The following SCUBE2 variants were observed in gnomAD, a reference collection of about 807,000 sequenced individuals.
SCUBE2 encodes signal peptide, CUB and EGF-like domain-containing protein 2.
SCUBE2 carries 114 observed loss-of-function variants against 125.9 expected under a neutral mutation model. The observed-to-expected ratio is 0.91, with a 90% CI of 0.78 to 1.06. The LOEUF (loss-of-function observed/expected upper bound fraction) is 1.06. Ranked by LOEUF, SCUBE2 falls within the 50% of genes least tolerant of loss-of-function variation. The pLI is 0.00. For synonymous variants in SCUBE2, 459 were observed against 492.9 expected, an observed-to-expected ratio of 0.93 and a Z score of 0.91; for missense variants, 1,255 against 1,301.8, an observed-to-expected ratio of 0.96 and a Z score of 0.55.
intron 16 of SCUBE2, among the ~76,000 whole-genome samples, chr11:9,039,563 G>T (rs56344312): frequency 1.3e-5 from 2 of 152,202 alleles, no homozygotes; most frequent in Non-Finnish European, 2.9e-5. Flanking sequence ...TCTACTGTTG[G>T]TCTCTGAGGC....
intron 4 of SCUBE2, among the ~76,000 whole-genome samples, chr11:9,070,088 A>G (rs1334798507): frequency 6.6e-6 from 1 of 152,158 alleles, no homozygotes; most frequent in Non-Finnish European, 1.5e-5. Flanking sequence ...CCCTCAGGGC[A>G]TAAGCCTCTG....
intron 2 of SCUBE2, among the ~76,000 whole-genome samples, chr11:9,087,707 C>T (rs1255853442): frequency 2.6e-5 from 4 of 152,186 alleles, no homozygotes. Flanking sequence ...CCAAACTTGC[C>T]CGTCATAATC....
intron 7 of SCUBE2, chr11:9,065,252 G>C (rs573224896): frequency 6.6e-6 from 1 of 152,096 alleles, no homozygotes; most frequent in South Asian, 2.1e-4. Context: ...TAATCCCCTC[G>C]TGTCAAGGGA....
rs953958916 is a variant in SCUBE2, at chr11:9,091,113, C to T, written c.133+283G>A. 6.6e-6 allele frequency among the ~76,000 whole-genome samples: 1 copy of T among 152,192 alleles called. No individual in the cohort carries two copies. The highest frequency in any genetic ancestry group is 1.5e-5 in the Non-Finnish European group (1 of 68,034). The stretch of plus-strand genomic sequence containing the variant: ...GGGTCCGCACCCTCCTGCCTGCTCG[C>T]CGGCGACGGTCTGACTAGCAGGCGC... On this transcript the variant is annotated intron_variant, in intron 1 of 22. Transcript: ENST00000649792. This position sits in a 1 kb window ranked among gnomAD's most constrained non-coding sequence, Gnocchi z 8.5.
chr11:9,086,691 A>G (rs1862095670), intron 2 of SCUBE2, among the ~76,000 whole-genome samples: 1 of 152,068 alleles, frequency 6.6e-6, no homozygotes, highest in Non-Finnish European at 1.5e-5. Context: ...CATCTCTACT[A>G]AAAATACAAA....
At chr11:9,030,607 C>T (rs1856219517) in intron 18 of SCUBE2, 151 bp downstream of exon 18, 3 of 774,508 alleles carry the variant, frequency 3.9e-6, no homozygotes, top group African/African-American at 1.7e-5. Flanking sequence ...GTGCCCCCTG[C>T]ACATCCTGCT....
rs1858253853 is a variant in SCUBE2 at position 9,050,615 on chromosome 11, C to T, written c.1630G>A (p.Ala544Thr). The T allele has an allele frequency of 6.2e-7, 1 of 1,613,468 alleles. No individual in the cohort carries two copies. The highest frequency in any genetic ancestry group is 1.7e-5 in the Admixed American group (1 of 60,012). Residue 544 changes from alanine (A) to threonine (T), a missense_variant, in exon 14 of 23, where the codon GCA becomes ACA. Physicochemically the swap from Ala to Thr is moderately conservative, Grantham distance 58. Around this residue, in one of 3 missense-constraint regions of SCUBE2, gnomAD observed 378 missense variants for 463.1 expected, o/e 0.82. Transcript: ENST00000649792. The part of the protein sequence containing the change: ...AELFPEGLRP[A>T]LPEKHSSVKE... ...CCACCTGATTCCATACCTGGTAGTG[C>T]TGGTCGCAGACCCTCGGGAAACAGC...
At chr11:9,067,049 G>T (rs1306360805) in intron 5 of SCUBE2, among the ~76,000 whole-genome samples, 1 of 152,208 alleles carries the variant, frequency 6.6e-6, no homozygotes, top group African/African-American at 2.4e-5. Context: ...AGTCATACAG[G>T]AAGAGGGAGA....
intron 5 of SCUBE2, among the ~76,000 whole-genome samples, chr11:9,068,931 A>G (rs1209965148): frequency 6.6e-6 from 1 of 152,230 alleles, no homozygotes; most frequent in African/African-American, 2.4e-5. Flanking sequence ...CCAGGAAGGC[A>G]GGAGGGCTTG....
chr11:9,063,681 G>C (rs75908708), intron 7 of SCUBE2, among the ~76,000 whole-genome samples: 1,932 of 152,258 alleles, frequency 0.013, 41 homozygotes, highest in African/African-American at 0.044. Flanking sequence ...TGAGAGACAA[G>C]ACATAGGATC....
intron 8 of SCUBE2, 111 bp from the exon 9 acceptor site, chr11:9,059,536 C>T: frequency 2.3e-6 from 3 of 1,307,880 alleles, no homozygotes; most frequent in Non-Finnish European, 3.1e-6. Context: ...AAGAAAAAGA[C>T]TCACAAAAGC....
intron 2 of SCUBE2, among the ~76,000 whole-genome samples, chr11:9,083,039 A>T (rs1046717407): frequency 3.4e-5 from 4 of 118,164 alleles, no homozygotes; most frequent in Non-Finnish European, 6.1e-5. Context: ...TCTGCTTATT[A>T]GTGCAAAATA....
intron 11 of SCUBE2, 99 bp from the exon 12 acceptor site, chr11:9,053,314 G>A: frequency 1.0e-6 from 1 of 1,003,092 alleles, no homozygotes; most frequent in Non-Finnish European, 1.5e-6. Context: ...AAGAAAAGAA[G>A]GTAGAGCTCA....
chr11:9,051,182 T>TTATCTATCTATCTATC (rs60575374), intron 13 of SCUBE2, among the ~76,000 whole-genome samples: 3 of 142,502 alleles, frequency 2.1e-5, no homozygotes, highest in Non-Finnish European at 4.7e-5. Context: ...AAACAAAAAA[T>TTATCTATCTATCTATC]TATCTATCTA....
chr11:9,043,241 C>T (rs1857401541), intron 16 of SCUBE2, among the ~76,000 whole-genome samples: 3 of 152,062 alleles, frequency 2.0e-5, no homozygotes, highest in African/African-American at 7.2e-5. Context: ...CAACCAAATA[C>T]AGTATATATA....
chr11:9,080,181 A>G (rs528005672), intron 2 of SCUBE2, among the ~76,000 whole-genome samples: 1 of 152,206 alleles, frequency 6.6e-6, no homozygotes, highest in Non-Finnish European at 1.5e-5. Context: ...TGCTAAGGTA[A>G]TCCATTGGGA....
chr11:9,046,653 G>A (rs1857809197), intron 16 of SCUBE2, among the ~76,000 whole-genome samples: 2 of 152,306 alleles, frequency 1.3e-5, no homozygotes, highest in East Asian at 3.9e-4. Context: ...ACGGAAACTG[G>A]AACTCTTAGA....
chr11:9,083,413 A>C (rs1429408971), intron 2 of SCUBE2, among the ~76,000 whole-genome samples: 1 of 152,208 alleles, frequency 6.6e-6, no homozygotes, highest in Non-Finnish European at 1.5e-5. Context: ...TGCTTTACTC[A>C]CAGGGTTATG....
At chr11:9,030,162 T>A in intron 18 of SCUBE2, 117 bp from the exon 19 acceptor site, 1 of 1,180,152 alleles carries the variant, frequency 8.5e-7, no homozygotes, top group Non-Finnish European at 1.2e-6. Context: ...GAAGTAGGGC[T>A]TTCCTACCAA....
Sources: gnomAD v4.1 joint callset for allele counts (sites outside exome capture counted in the v4.1 genomes callset) on GRCh38, gnomAD v4.1.1 for gene constraint, gnomAD v4.1.1 regional missense constraint, Gnocchi (gnomAD v3.1) non-coding constraint, MANE v1.5 for transcripts, NCBI Gene and HGNC (gene_info 2026-07-23, HGNC 2026-07-21) for gene names.